Variants in SLC37A2 observed in about 807,000 individuals in gnomAD.
The protein encoded by SLC37A2 is solute carrier family 37 member 2.
In SLC37A2, 59 loss-of-function variants were observed where a neutral mutation model predicts 70.7. That is an observed-to-expected ratio of 0.83 (90% CI 0.68 to 1.04). The LOEUF (loss-of-function observed/expected upper bound fraction) is 1.04, where lower values mean the gene tolerates loss of function less well. SLC37A2 is among the 50% of genes least tolerant of loss of function. The pLI is 0.00. For synonymous variants in SLC37A2, 257 were observed against 262.1 expected (o/e 0.98, Z 0.19); for missense variants, 580 against 658.1 (o/e 0.88, Z 1.30).
chr11:125,068,560 A>G (rs1949002130), intron 1 of SLC37A2, among the ~76,000 whole-genome samples: 1 of 152,160 alleles, frequency 6.6e-6, no homozygotes, highest in Non-Finnish European at 1.5e-5. Context: ...GTGCCAAAGG[A>G]TGGCATTTCC....
At chr11:125,076,862 A>G (rs61912691) in intron 2 of SLC37A2, 24 bp downstream of exon 2, 146,531 of 1,611,124 alleles carry the variant, frequency 0.091, 7,427 homozygotes, top group East Asian at 0.18. Context: ...GCAGCAAGGA[A>G]GAGTGCAGAA....
chr11:125,076,240 A>G lies in SLC37A2; in HGVS notation c.60-517A>G, dbSNP rs538375153. Among the ~76,000 whole-genome samples the G allele has an allele frequency of 9.9e-5, 15 of 152,182 alleles. No individual in the cohort carries two copies. In the East Asian group the frequency reaches 2.9e-3, roughly 30 times the overall value. Reference sequence around the variant, plus strand: ...GTCTGTCACCACCTGTCCCACTGCCACTTCCTTTCCAACTACCGCCTGCCT... The same window carrying G: ...GTCTGTCACCACCTGTCCCACTGCCGCTTCCTTTCCAACTACCGCCTGCCT... On this transcript the variant is annotated intron_variant, in intron 1 of 17. Coordinates refer to ENST00000403796, the MANE Select transcript of SLC37A2 (RefSeq NM_001145290.2).
chr11:125,086,477 G>A (rs1949216655), intron 17 of SLC37A2: 1 of 568,456 alleles, frequency 1.8e-6, no homozygotes, highest in East Asian at 3.1e-5. Flanking sequence ...GAGGGACAGT[G>A]TGAGAACTTT....
chr11:125,077,208 G>C (rs747525139), intron 2 of SLC37A2, 22 bp from the exon 3 acceptor site: 2 of 1,552,932 alleles, frequency 1.3e-6, no homozygotes, highest in South Asian at 2.5e-5. Flanking sequence ...CCCCTGACCT[G>C]TATGTCCCAT....
chr11:125,084,704 G>A (rs1163691909), intron 12 of SLC37A2, 121 bp from the exon 13 acceptor site: 10 of 1,042,324 alleles, frequency 9.6e-6, no homozygotes, highest in Non-Finnish European at 1.3e-5. Flanking sequence ...TGCATAGGCA[G>A]GGGAAAAGGA....
chr11:125,072,903 T>G (rs1244030890), intron 1 of SLC37A2, among the ~76,000 whole-genome samples: 1 of 152,018 alleles, frequency 6.6e-6, no homozygotes. Context: ...CATCCCTCCA[T>G]CCCTCTGGAG....
At chr11:125,065,102 C>T (rs920317486) in intron 1 of SLC37A2, among the ~76,000 whole-genome samples, 1 of 152,154 alleles carries the variant, frequency 6.6e-6, no homozygotes, top group African/African-American at 2.4e-5. Flanking sequence ...TTCTCAGTTA[C>T]CTACCACTTC....
chr11:125,080,157 T>C lies in SLC37A2; in HGVS notation c.527+397T>C, dbSNP rs1019569077. On this transcript the variant is annotated intron_variant, in intron 6 of 17. Transcript: ENST00000403796. This position sits in a 1 kb window ranked among gnomAD's most constrained non-coding sequence, Gnocchi z 4.3. ...TTGGACCCTTGTTTGGGGACTGTCC[T>C]ACCACTGCAGGCTGTTTAGTAGTAG... Among the ~76,000 whole-genome samples, 1 of 152,178 alleles carries C rather than the reference T, an allele frequency of 6.6e-6. No homozygotes were observed. The highest frequency in any genetic ancestry group is 1.9e-4 in the East Asian group (1 of 5,186).
At chr11:125,082,790 C>T (rs537528561) in intron 10 of SLC37A2, among the ~76,000 whole-genome samples, 38 of 152,258 alleles carry the variant, frequency 2.5e-4, no homozygotes, top group African/African-American at 8.4e-4. Context: ...GTGGTCTTCT[C>T]CCCGTGGGAC....
chr11:125,070,018 A>ACGGGGCTGGGCCCATTTCC (rs1949015498), intron 1 of SLC37A2, among the ~76,000 whole-genome samples: 1 of 152,198 alleles, frequency 6.6e-6, no homozygotes, highest in African/African-American at 2.4e-5. Context: ...GCTGGTGCTT[A>ACGGGGCTGGGCCCATTTCC]TGGGGCTGGG....
At position 125,063,311 on chromosome 11, in the gene SLC37A2, C is replaced by T; in HGVS notation, c.-57C>T. The T allele has an allele frequency of 2.7e-6, 4 of 1,495,374 alleles. No homozygotes were observed. Among genetic ancestry groups the T allele is most frequent in the Admixed American group, 1.8e-5 (1 of 55,036 alleles). The allele number at this position is 1,495,374 out of a possible 1,614,324, so 92.6% of individuals were successfully genotyped here. A position where few individuals can be genotyped will look rare whatever the true frequency, so the allele number is the denominator to read the frequency against. On this transcript the variant is annotated 5_prime_UTR_variant, in exon 1 of 18. The change creates a new upstream start codon in the 5' untranslated region. Coordinates refer to ENST00000403796, the MANE Select transcript of SLC37A2 (RefSeq NM_001145290.2). This position sits in a 1 kb window ranked among gnomAD's most constrained non-coding sequence, Gnocchi z 5.4. Reference sequence around the variant, plus strand: ...CTGACAGCCAGTCCAGCCCGGGACACGCGCCCAGCTCTGTAGCCTCCTCCG... The same window carrying T: ...CTGACAGCCAGTCCAGCCCGGGACATGCGCCCAGCTCTGTAGCCTCCTCCG...
Position 125,089,809 on chromosome 11 carries a change from C to A in SLC37A2, c.*1675C>A. The A allele has an allele frequency of 6.2e-6, 1 of 160,508 alleles. No individual in the cohort carries two copies. The highest frequency in any genetic ancestry group is 1.7e-4 in the South Asian group (1 of 6,010). The allele number at this position is 160,508 out of a possible 1,614,324, so 9.9% of individuals were successfully genotyped here. A position where few individuals can be genotyped will look rare whatever the true frequency, so the allele number is the denominator to read the frequency against. ...TCCATGGGCTCCTGTGGGGCCCGAG[C>A]CTCCCCGACGAGTACCACCCCCTGC... On this transcript the variant is annotated 3_prime_UTR_variant, in exon 18 of 18. Transcript: ENST00000403796.
chr11:125,063,385 T>C lies in SLC37A2; in HGVS notation c.18T>C (p.Ala6=). 6.2e-7 allele frequency: 1 copy of C among 1,611,912 alleles called. No homozygotes were observed. The highest frequency in any genetic ancestry group is 1.7e-5 in the Admixed American group (1 of 59,904). Residue 6 remains alanine (A), a synonymous_variant, in exon 1 of 18, where the codon GCT becomes GCC. Coordinates refer to ENST00000403796, the MANE Select transcript of SLC37A2 (RefSeq NM_001145290.2). This position sits in a 1 kb window ranked among gnomAD's most constrained non-coding sequence, Gnocchi z 5.4. ...CAGGCAAAATGCGGTCCTCCCTGGC[T>C]CCGGGAGTCTGGTTCTTCCGGGCCT... is the stretch of plus-strand genomic sequence containing the variant. MRSSL[A]PGVWFFRAFS... is the part of the protein sequence containing the mutation.
At chr11:125,082,085 C>T (rs1949156787) in intron 9 of SLC37A2, among the ~76,000 whole-genome samples, 159 bp from the exon 10 acceptor site, 1 of 152,108 alleles carries the variant, frequency 6.6e-6, no homozygotes, top group Non-Finnish European at 1.5e-5. Flanking sequence ...CAACCTTGCA[C>T]AGTGGTCATG....
At chr11:125,071,795 C>G (rs957790370) in intron 1 of SLC37A2, among the ~76,000 whole-genome samples, 1 of 139,224 alleles carries the variant, frequency 7.2e-6, no homozygotes, top group African/African-American at 2.6e-5. Context: ...GGTATCTGTT[C>G]CTGGCTGGCC....
intron 8 of SLC37A2, 69 bp downstream of exon 8, chr11:125,081,527 C>T: frequency 2.0e-6 from 3 of 1,531,076 alleles, no homozygotes; most frequent in Non-Finnish European, 2.7e-6. Flanking sequence ...CCCGGAGAGG[C>T]CTGGGGAGCT....
At chr11:125,070,595 T>G (rs1220271650) in intron 1 of SLC37A2, among the ~76,000 whole-genome samples, 1 of 152,162 alleles carries the variant, frequency 6.6e-6, no homozygotes, top group African/African-American at 2.4e-5. Context: ...AATCTTACTT[T>G]CCTGTTGACT....
chr11:125,082,429 C>A, intron 10 of SLC37A2, 95 bp downstream of exon 10: 3 of 1,026,944 alleles, frequency 2.9e-6, no homozygotes, highest in Non-Finnish European at 4.6e-6. Flanking sequence ...CCTGTGATTC[C>A]AGTATATAGG....
rs192852727 is a variant in SLC37A2, at chr11:125,066,011, G to T, written c.59+2585G>T. On this transcript the variant is annotated intron_variant, in intron 1 of 17. Coordinates refer to ENST00000403796, the MANE Select transcript of SLC37A2 (RefSeq NM_001145290.2). ...CATCAACAGTATTCTGAACATAGAA[G>T]ACAGTCATCCATCCCCAGTTCATGC... is the stretch of plus-strand genomic sequence containing the variant. 2.0e-5 allele frequency among the ~76,000 whole-genome samples: 3 copies of T among 152,310 alleles called. No individual in the cohort carries two copies. The East Asian group carries it at 5.8e-4, about 29-fold the overall frequency.
Sources: allele counts gnomAD v4.1 joint callset (sites outside exome capture counted in the v4.1 genomes callset), GRCh38; gene constraint gnomAD v4.1.1; non-coding constraint Gnocchi (gnomAD v3.1); transcripts MANE v1.5; gene names NCBI Gene and HGNC (gene_info 2026-07-23, HGNC 2026-07-21).